DCT: variants seen among roughly 807,000 people sequenced by gnomAD.
The protein encoded by DCT is L-dopachrome tautomerase.
In DCT, 47 loss-of-function variants were observed where a neutral mutation model predicts 53.0. That is an observed-to-expected ratio of 0.89 (90% confidence interval 0.70 to 1.13). The LOEUF (loss-of-function observed/expected upper bound fraction) is 1.13. Ranked by LOEUF, DCT falls within the 50% of genes most tolerant of loss-of-function variation. The pLI is 0.00. For missense variants in DCT, 669 were observed against 637.4 expected (o/e 1.05, Z -0.53); for synonymous variants, 244 against 237.0 (o/e 1.03, Z -0.27).
In DCT at chr13:94,460,207, C is replaced by A; in HGVS notation, c.1063G>T (p.Asp355Tyr). 1 of 1,613,772 alleles carries A rather than the reference C, an allele frequency of 6.2e-7. No homozygotes were observed. The highest frequency in any genetic ancestry group is 8.5e-7 in the Non-Finnish European group (1 of 1,179,722). The change falls in exon 6 of 8, where the codon GAT becomes TAT. Residue 355 changes from aspartate to tyrosine, a missense_variant. By Grantham distance (160) the Asp-to-Tyr change is radical (BLOSUM62 -3). Transcript: ENST00000377028. ...FSFRNALEGF[D>Y]KADGTLDSQV... ...GAATCCAGAGTCCCATCTGCTTTAT[C>A]AAACCCTTCCAAAGCATTCCTAGGA... is the stretch of plus-strand genomic sequence containing the variant.
At chr13:94,470,604 G>A (rs1884580251) in intron 1 of DCT, among the ~76,000 whole-genome samples, 1 of 152,152 alleles carries the variant, frequency 6.6e-6, no homozygotes, top group Non-Finnish European at 1.5e-5. Context: ...TAAAGAGGGT[G>A]ACCAGCTCAC....
the DCT span, among the ~76,000 whole-genome samples, chr13:94,525,142 C>T: frequency 6.6e-6 from 1 of 151,996 alleles, no homozygotes; most frequent in Non-Finnish European, 1.5e-5. Flanking sequence ...CTCTTGTTGC[C>T]CAAGCTAGAG....
intron 1 of DCT, among the ~76,000 whole-genome samples, chr13:94,471,568 T>C (rs1884646038): frequency 6.6e-6 from 1 of 152,238 alleles, no homozygotes; most frequent in Admixed American, 6.5e-5. Flanking sequence ...CTTCGTTTTA[T>C]GGACCTTGAA....
chr13:94,520,539 T>C, the DCT span, among the ~76,000 whole-genome samples: 1 of 152,212 alleles, frequency 6.6e-6, no homozygotes, highest in African/African-American at 2.4e-5. Flanking sequence ...GTGGCTTTTG[T>C]ATTCATGGTG....
the DCT span, among the ~76,000 whole-genome samples, chr13:94,491,499 G>C: frequency 6.6e-6 from 1 of 152,072 alleles, no homozygotes; most frequent in East Asian, 1.9e-4. Flanking sequence ...GGTTACTCAG[G>C]GTTTGGGCTT....
At chr13:94,535,287 T>C in the DCT span, among the ~76,000 whole-genome samples, 12 of 152,328 alleles carry the variant, frequency 7.9e-5, no homozygotes, top group Non-Finnish European at 1.3e-4. Flanking sequence ...GACTAAATGA[T>C]GGAAGAGGTT....
chr13:94,468,820 G>T lies in DCT; in HGVS notation c.521C>A (p.Pro174Gln), dbSNP rs138843354. The change falls in exon 2 of 8, where the codon CCG (proline) becomes CAG (glutamine). Residue 174 changes from proline (P) to glutamine (Q), a missense_variant. Coordinates refer to ENST00000377028, the MANE Select transcript of DCT (RefSeq NM_001922.5). ...ATAAACACTGCAGTTGGCAAACTGC[G>T]GCTGGGTTCCATTGGGCCCAAGCAG... Reference protein sequence around the residue: ...LGLLGPNGTQPQFANCSVYDF... With the variant: ...LGLLGPNGTQQQFANCSVYDF... 6.2e-7 allele frequency: 1 copy of T among 1,614,024 alleles called. No individual in the cohort carries two copies. The highest frequency in any genetic ancestry group is 8.5e-7 in the Non-Finnish European group (1 of 1,180,016).
In DCT at chr13:94,462,169, A is replaced by C. The variant is rs764587115; in HGVS notation, c.884T>G (p.Leu295Arg). The change falls in exon 5 of 8, where the codon CTG becomes CGG. Residue 295 changes from leucine to arginine, a missense_variant. Leu to Arg is a moderately radical substitution (Grantham distance 102). Coordinates refer to ENST00000377028, the MANE Select transcript of DCT (RefSeq NM_001922.5). ...ATAGGTTCCATTGCACAAGGTGACC[A>C]GGTGGTTGTAGTCATCCAAGCTAAG... Reference protein sequence around the residue: ...VCDSLDDYNHLVTLCNGTYEG... With the variant: ...VCDSLDDYNHRVTLCNGTYEG... 1.9e-6 allele frequency: 3 copies of C among 1,612,812 alleles called. No homozygotes were observed. Among genetic ancestry groups the C allele is most frequent in the Non-Finnish European group, 2.5e-6 (3 of 1,179,134 alleles).
the DCT span, among the ~76,000 whole-genome samples, chr13:94,528,634 G>A: frequency 6.6e-6 from 1 of 151,894 alleles, no homozygotes; most frequent in South Asian, 2.1e-4. Context: ...AGAGGCTCCT[G>A]AAGGAAGCAC....
Position 94,460,267 on chromosome 13 carries a change from G to A in DCT, c.1044-41C>T, listed in dbSNP as rs1002916589. The stretch of plus-strand genomic sequence containing the variant: ...ATATCAGTGACAACAGACAAAGACT[G>A]ATAAAGGTCTCTTTTTTGTTGTTTT... On this transcript the variant is annotated intron_variant, in intron 5 of 7. Coordinates refer to ENST00000377028, the MANE Select transcript of DCT (RefSeq NM_001922.5). 5.7e-6 allele frequency: 9 copies of A among 1,583,922 alleles called. No homozygotes were observed. In the African/African-American group the frequency reaches 6.8e-5, roughly 12 times the overall value.
the DCT span, among the ~76,000 whole-genome samples, chr13:94,495,361 G>A: frequency 2.6e-5 from 4 of 152,050 alleles, no homozygotes; most frequent in Non-Finnish European, 5.9e-5. Flanking sequence ...CCTCTCCAAG[G>A]GCTGGGATTA....
At chr13:94,457,374 T>G (rs193268478) in intron 6 of DCT, among the ~76,000 whole-genome samples, 2 of 152,264 alleles carry the variant, frequency 1.3e-5, no homozygotes, top group Non-Finnish European at 2.9e-5. Flanking sequence ...ATTCTCTCTC[T>G]CCCTCCACTA....
chr13:94,528,588 G>A, the DCT span, among the ~76,000 whole-genome samples: 4 of 152,148 alleles, frequency 2.6e-5, no homozygotes, highest in South Asian at 2.1e-4. Flanking sequence ...ACAAGCAAAC[G>A]CTGAGAGATT....
the DCT span, among the ~76,000 whole-genome samples, chr13:94,510,670 C>T: frequency 6.6e-6 from 1 of 152,190 alleles, no homozygotes; most frequent in Non-Finnish European, 1.5e-5. Flanking sequence ...GCAGACAGAG[C>T]TGCTTTAGAC....
the DCT span, among the ~76,000 whole-genome samples, chr13:94,532,055 T>A: frequency 1.3e-5 from 2 of 152,174 alleles, no homozygotes; most frequent in Admixed American, 1.3e-4. Flanking sequence ...TCACTGGTCA[T>A]CAGAGAAATG....
At chr13:94,484,891 C>T in the DCT span, among the ~76,000 whole-genome samples, 1 of 152,138 alleles carries the variant, frequency 6.6e-6, no homozygotes, top group African/African-American at 2.4e-5. Context: ...CAGCTCCTAA[C>T]AGGGTGTAAA....
At chr13:94,515,123 C>G in the DCT span, among the ~76,000 whole-genome samples, 1 of 152,056 alleles carries the variant, frequency 6.6e-6, no homozygotes, top group Non-Finnish European at 1.5e-5. Context: ...GGAAGAGGAC[C>G]CTGGGCAGAA....
intron 4 of DCT, among the ~76,000 whole-genome samples, chr13:94,464,712 T>G (rs1354692362): frequency 1.3e-5 from 2 of 151,044 alleles, no homozygotes; most frequent in African/African-American, 4.9e-5. Flanking sequence ...GAAGGTGAGG[T>G]GAGGAGCCTC....
intron 7 of DCT, among the ~76,000 whole-genome samples, chr13:94,440,676 G>GTTTTTTTTTGT (rs1882229420): frequency 1.0e-5 from 1 of 98,054 alleles, no homozygotes; most frequent in African/African-American, 4.1e-5. Context: ...TCATTTTTTG[G>GTTTTTTTTTGT]TTTTTTTTTT....
Sources: gnomAD v4.1 joint callset for allele counts (sites outside exome capture counted in the v4.1 genomes callset) on GRCh38, gnomAD v4.1.1 for gene constraint, MANE v1.5 for transcripts, NCBI Gene and HGNC (gene_info 2026-07-23, HGNC 2026-07-21) for gene names.